The following SEMA3C variants were observed in gnomAD, a reference collection of about 807,000 sequenced individuals.
SEMA3C encodes semaphorin 3C, also known as semaphorin-3C.
A neutral mutation model predicts 89.4 loss-of-function variants in SEMA3C; 47 were observed. The observed-to-expected ratio is 0.53, with a 90% CI of 0.42 to 0.67. The LOEUF (loss-of-function observed/expected upper bound fraction) is 0.67, where lower values mean the gene tolerates loss of function less well. SEMA3C is among the 30% of genes least tolerant of loss of function. The pLI, the probability that SEMA3C is intolerant of heterozygous loss-of-function variation, is 0.00. For synonymous variants in SEMA3C, 310 were observed against 320.2 expected (o/e 0.97, Z 0.34); for missense variants, 839 against 929.1 (o/e 0.90, Z 1.26).
intron 2 of SEMA3C, among the ~76,000 whole-genome samples, chr7:80,899,804 G>T (rs1791833330): frequency 6.6e-6 from 1 of 152,140 alleles, no homozygotes; most frequent in South Asian, 2.1e-4. Context: ...GTTAGCAGCT[G>T]ATTCATTTTT....
Position 80,748,901 on chromosome 7 carries a change from T to C in SEMA3C, c.1839A>G (p.Lys613=), listed in dbSNP as rs1024082698. 21 of 1,610,944 alleles carry C rather than the reference T, an allele frequency of 1.3e-5. No individual in the cohort carries two copies. Among genetic ancestry groups the C allele is most frequent in the East Asian group, 2.2e-5 (1 of 44,834 alleles). Residue 613 remains lysine, a synonymous_variant, in exon 17 of 18, where the codon AAA becomes AAG. Transcript: ENST00000265361. ...WLLQKDKDRR[K]EVKLNERIIA... ...GCTGCTGTGCTGCTTTACTCACCTC[T>C]TTCCTCCTGTCTTTGTCTTTCTGTA...
At chr7:80,863,882 CAT>C (rs1273892126) in intron 2 of SEMA3C, among the ~76,000 whole-genome samples, 3 of 145,704 alleles carry the variant, frequency 2.1e-5, no homozygotes, top group Non-Finnish European at 3.0e-5. Context: ...ATATGTATCA[CAT>C]ATATATCACA....
chr7:80,919,002 C>G lies in SEMA3C; in HGVS notation c.-213G>C, dbSNP rs1191680534. On this transcript the variant is annotated 5_prime_UTR_variant, in exon 1 of 18. Coordinates refer to ENST00000265361, the MANE Select transcript of SEMA3C (RefSeq NM_006379.5). ...TAAAGGAATCTCAGCGCTGCAGTGC[C>G]GCGGCACCCGGAGCTCTTCTCCGCG... 1.0e-6 allele frequency: 1 copy of G among 985,254 alleles called. No homozygotes were observed. Among genetic ancestry groups the G allele is most frequent in the African/African-American group, 1.7e-5 (1 of 57,226 alleles). The allele number at this position is 985,254 out of a possible 1,614,324, so 61.0% of individuals were successfully genotyped here. A position where few individuals can be genotyped will look rare whatever the true frequency, so the allele number is the denominator to read the frequency against.
chr7:80,817,439 C>T lies in SEMA3C; in HGVS notation c.447+860G>A, dbSNP rs547648175. On this transcript the variant is annotated intron_variant, in intron 5 of 17. Coordinates refer to ENST00000265361, the MANE Select transcript of SEMA3C (RefSeq NM_006379.5). ...ATTTAAGTTGCATAATAAAACCAAA[C>T]CAAGTTTGAAAATTCAGTTTTTAAA... Among the ~76,000 whole-genome samples, 24 of 151,798 alleles carry T rather than the reference C, an allele frequency of 1.6e-4. 1 individual carries two copies. The South Asian group carries it at 5.0e-3, about 32-fold the overall frequency.
At chr7:80,859,874 T>C (rs1337740892) in intron 2 of SEMA3C, among the ~76,000 whole-genome samples, 1 of 152,140 alleles carries the variant, frequency 6.6e-6, no homozygotes, top group African/African-American at 2.4e-5. Context: ...ACCTTTCACA[T>C]GTGTTTTGGT....
chr7:80,874,447 G>GTTAT (rs56316322), intron 2 of SEMA3C, among the ~76,000 whole-genome samples: 7,461 of 146,544 alleles, frequency 0.051, 258 homozygotes, highest in African/African-American at 0.091. Flanking sequence ...ACCATAGCAA[G>GTTAT]TTATTTATTT....
intron 2 of SEMA3C, among the ~76,000 whole-genome samples, chr7:80,899,361 A>AAATATGTT (rs1791819565): frequency 6.6e-6 from 1 of 152,150 alleles, no homozygotes; most frequent in African/African-American, 2.4e-5. Context: ...TTTTCGTAAC[A>AAATATGTT]AATATGTTCG....
At chr7:80,874,414 AT>A (rs1791148141) in intron 2 of SEMA3C, among the ~76,000 whole-genome samples, 1 of 151,996 alleles carries the variant, frequency 6.6e-6, no homozygotes, top group African/African-American at 2.4e-5. Flanking sequence ...GACCTTTTCT[AT>A]GTTCAATGCA....
At chr7:80,802,813 T>G in intron 8 of SEMA3C, 34 bp from the exon 9 acceptor site, 1 of 1,502,370 alleles carries the variant, frequency 6.7e-7, no homozygotes, top group Non-Finnish European at 9.2e-7. Context: ...TTCAGATTGC[T>G]TAAGTAAATA....
At chr7:80,787,242 A>G (rs1055246349) in intron 12 of SEMA3C, among the ~76,000 whole-genome samples, 4 of 151,916 alleles carry the variant, frequency 2.6e-5, no homozygotes, top group Non-Finnish European at 5.9e-5. Flanking sequence ...AAATACAAAA[A>G]TTAGCTGGGC....
chr7:80,919,984 A>G (rs1333484869), upstream of SEMA3C, among the ~76,000 whole-genome samples: 1 of 151,422 alleles, frequency 6.6e-6, no homozygotes, highest in East Asian at 1.9e-4. Context: ...AATTCTGTTG[A>G]CCCCTCCACG....
At chr7:80,767,678 T>C (rs1394898687) in intron 12 of SEMA3C, among the ~76,000 whole-genome samples, 1 of 152,228 alleles carries the variant, frequency 6.6e-6, no homozygotes, top group Non-Finnish European at 1.5e-5. Flanking sequence ...AAATATGCAT[T>C]ATCATCAACA....
chr7:80,903,188 T>C (rs7779635), intron 2 of SEMA3C, among the ~76,000 whole-genome samples: 105,188 of 151,976 alleles, frequency 0.69, 36,694 homozygotes, highest in South Asian at 0.81. Flanking sequence ...ATTTAACTTA[T>C]ACCAACCTAG....
At chr7:80,882,716 CT>C (rs1791375828) in intron 2 of SEMA3C, among the ~76,000 whole-genome samples, 1 of 151,844 alleles carries the variant, frequency 6.6e-6, no homozygotes, top group South Asian at 2.1e-4. Flanking sequence ...TTCAAGAGTT[CT>C]TTCTTGTTTT....
At chr7:80,860,888 C>A (rs1487036612) in intron 2 of SEMA3C, among the ~76,000 whole-genome samples, 1 of 152,100 alleles carries the variant, frequency 6.6e-6, no homozygotes, top group Non-Finnish European at 1.5e-5. Flanking sequence ...TCTGTAGTTA[C>A]CTTCGAAGCA....
intron 15 of SEMA3C, among the ~76,000 whole-genome samples, chr7:80,757,927 T>C (rs532713086): frequency 6.6e-5 from 10 of 152,044 alleles, no homozygotes; most frequent in East Asian, 1.9e-4. Flanking sequence ...GATCGCACCA[T>C]TGCACTCCAG....
chr7:80,812,863 G>A (rs1022929495), intron 5 of SEMA3C, among the ~76,000 whole-genome samples: 6 of 151,866 alleles, frequency 4.0e-5, no homozygotes, highest in African/African-American at 1.4e-4. Context: ...CTCGGCTTAC[G>A]GCAACCTCCA....
chr7:80,919,077 G>A (rs1461333855), upstream of SEMA3C: 1 of 985,250 alleles, frequency 1.0e-6, no homozygotes, highest in Non-Finnish European at 1.2e-6. Context: ...GGAGGCCGGG[G>A]GCGAGCGCTC....
chr7:80,760,187 TCC>T (rs1788154006), intron 14 of SEMA3C, among the ~76,000 whole-genome samples: 1 of 152,336 alleles, frequency 6.6e-6, no homozygotes, highest in East Asian at 1.9e-4. Context: ...CAAATAATTA[TCC>T]TTGCCTTGAA....
Sources: gnomAD v4.1 joint callset for allele counts (sites outside exome capture counted in the v4.1 genomes callset) on GRCh38, gnomAD v4.1.1 for gene constraint, MANE v1.5 for transcripts, NCBI Gene and HGNC (gene_info 2026-07-23, HGNC 2026-07-21) for gene names.